DSTYK: variants seen among roughly 807,000 people sequenced by gnomAD.
The protein encoded by DSTYK is dual serine/threonine and tyrosine protein kinase.
Under a neutral mutation model 98.7 loss-of-function variants are expected in DSTYK, and 34 were observed. The ratio of observed to expected loss-of-function variants is 0.34; its 90% CI spans 0.26 to 0.46. The LOEUF (loss-of-function observed/expected upper bound fraction) is 0.46, where lower values mean the gene tolerates loss of function less well. DSTYK is among the 20% of genes least tolerant of loss of function. DSTYK has a pLI of 1.00. For missense variants in DSTYK, 962 were observed against 1,181.7 expected (o/e 0.81, Z 2.73); for synonymous variants, 462 against 457.3 (o/e 1.01, Z -0.13).
In DSTYK at chr1:205,150,669, T is replaced by A; in HGVS notation, c.2467+11A>T. 6.2e-7 allele frequency: 1 copy of A among 1,608,744 alleles called. No individual in the cohort carries two copies. The highest frequency in any genetic ancestry group is 8.5e-7 in the Non-Finnish European group (1 of 1,175,854). Reference sequence around the variant, plus strand: ...CCCTGCCCAGACCCACTGCCTGCCCTCCAGCCTTACCTGTGAAAAGTTCAG... The same window carrying A: ...CCCTGCCCAGACCCACTGCCTGCCCACCAGCCTTACCTGTGAAAAGTTCAG... On this transcript the variant is annotated intron_variant, in intron 11 of 12. Transcript: ENST00000367162. This position sits in a 1 kb window ranked among gnomAD's most constrained non-coding sequence, Gnocchi z 4.1.
At chr1:205,191,435 A>G (rs1008238202) in intron 1 of DSTYK, among the ~76,000 whole-genome samples, 1 of 152,216 alleles carries the variant, frequency 6.6e-6, no homozygotes, top group African/African-American at 2.4e-5. Context: ...CACTCTGACT[A>G]GCTCTGTGAC....
chr1:205,184,827 C>T (rs1200836304), intron 2 of DSTYK, among the ~76,000 whole-genome samples: 1 of 152,134 alleles, frequency 6.6e-6, no homozygotes, highest in Non-Finnish European at 1.5e-5. Context: ...TCAAGCTATC[C>T]TCCTCCCTCA....
chr1:205,178,828 C>T (rs563762848), intron 2 of DSTYK, among the ~76,000 whole-genome samples: 2 of 152,134 alleles, frequency 1.3e-5, no homozygotes, highest in Admixed American at 6.6e-5. Context: ...TAGCCTCATA[C>T]CAATTCTAAA....
At chr1:205,152,942 G>A (rs1238446404) in intron 10 of DSTYK, among the ~76,000 whole-genome samples, 1 of 152,136 alleles carries the variant, frequency 6.6e-6, no homozygotes, top group East Asian at 1.9e-4. Context: ...TACATATGAA[G>A]ATCCTAAAAA....
chr1:205,197,805 C>A (rs1658910126), intron 1 of DSTYK, among the ~76,000 whole-genome samples: 1 of 152,154 alleles, frequency 6.6e-6, no homozygotes, highest in South Asian at 2.1e-4. Context: ...GACTTAGAAT[C>A]CAAATCCACA....
At chr1:205,190,893 A>G (rs1339790558) in intron 1 of DSTYK, among the ~76,000 whole-genome samples, 1 of 152,234 alleles carries the variant, frequency 6.6e-6, no homozygotes, top group East Asian at 1.9e-4. Flanking sequence ...TGCTACTACC[A>G]GGAGAGTGGA....
At chr1:205,163,992 G>C in intron 3 of DSTYK, 37 bp from the exon 4 acceptor site, 1 of 1,562,526 alleles carries the variant, frequency 6.4e-7, no homozygotes, top group South Asian at 1.1e-5. Flanking sequence ...TAGTTGTGAG[G>C]AAGAAGGGGC....
chr1:205,149,584 G>T (rs1338328936), intron 11 of DSTYK, among the ~76,000 whole-genome samples: 1 of 152,062 alleles, frequency 6.6e-6, no homozygotes, highest in Admixed American at 6.6e-5. Context: ...ACGTTTGTTT[G>T]TTTTAGCACT....
At chr1:205,184,291 G>C (rs1658503409) in intron 2 of DSTYK, among the ~76,000 whole-genome samples, 1 of 151,952 alleles carries the variant, frequency 6.6e-6, no homozygotes, top group African/African-American at 2.4e-5. Flanking sequence ...AAAAATTTAG[G>C]GCCAGGCATA....
chr1:205,151,693 CT>C (rs34595009), intron 10 of DSTYK, among the ~76,000 whole-genome samples: 310 of 46,870 alleles, frequency 6.6e-3, no homozygotes, highest in Admixed American at 6.8e-3. Flanking sequence ...TATAGGCTTT[CT>C]TTTTTTTTTT....
intron 2 of DSTYK, among the ~76,000 whole-genome samples, chr1:205,176,823 A>T (rs1017819347): frequency 8.5e-5 from 13 of 152,174 alleles, no homozygotes; most frequent in African/African-American, 3.1e-4. Flanking sequence ...ACTGACTCTT[A>T]TAGGTGAAGA....
In DSTYK at chr1:205,185,644, T is replaced by C. The variant is rs565221400; in HGVS notation, c.654+1774A>G. On this transcript the variant is annotated intron_variant, in intron 2 of 12. Coordinates refer to ENST00000367162, the MANE Select transcript of DSTYK (RefSeq NM_015375.3). ...TATGTATTGCAGAAAGCAAAAGTAA[T>C]ATTTCATGAAACTTATATTTCAAAT... 1.4e-4 allele frequency among the ~76,000 whole-genome samples: 21 copies of C among 152,360 alleles called. No individual in the cohort carries two copies. In the South Asian group the frequency reaches 3.9e-3, roughly 29 times the overall value.
intron 2 of DSTYK, among the ~76,000 whole-genome samples, chr1:205,176,684 C>A (rs935336099): frequency 7.2e-5 from 11 of 151,754 alleles, no homozygotes; most frequent in Admixed American, 4.6e-4. Context: ...CTCAAGCGAT[C>A]CTCCTGCCTC....
At chr1:205,201,777 A>C (rs1262557054) in intron 1 of DSTYK, among the ~76,000 whole-genome samples, 1 of 152,090 alleles carries the variant, frequency 6.6e-6, no homozygotes, top group Admixed American at 6.6e-5. Flanking sequence ...ACAAAAGAAA[A>C]GGCTGGGCGC....
chr1:205,211,447 C>T lies in DSTYK; in HGVS notation c.89G>A (p.Gly30Asp). 2 of 1,601,136 alleles carry T rather than the reference C, an allele frequency of 1.2e-6. No homozygotes were observed. The highest frequency in any genetic ancestry group is 1.7e-6 in the Non-Finnish European group (2 of 1,176,750). ...CAGGTAGCGGCGGTAGCGGCCGAAG[C>T]CCCGGCACAGCTCGCGGATCATTCC... ...GGGMIRELCR[G>D]FGRYRRYLGR... The change falls in exon 1 of 13, where the codon GGC (glycine) becomes GAC (aspartate). Residue 30 changes from glycine to aspartate, a missense_variant. This residue lies in a region of DSTYK where 168 missense variants were observed against 120.0 expected (regional missense o/e 1.40). Transcript: ENST00000367162.
In DSTYK at chr1:205,187,465, G is replaced by A. The variant is rs763613192; in HGVS notation, c.607C>T (p.His203Tyr). 6.2e-7 allele frequency: 1 copy of A among 1,614,130 alleles called. No individual in the cohort carries two copies. The highest frequency in any genetic ancestry group is 1.1e-5 in the South Asian group (1 of 91,074). Residue 203 changes from histidine to tyrosine, a missense_variant, in exon 2 of 13, where the codon CAT (histidine) becomes TAT (tyrosine). Transcript: ENST00000367162. ...GTTACCTCCAGTTCCGCTAAAACAT[G>A]AGCAGCATCCTCATTGTTCTCTTGG... ...EVQENNEDAA[H>Y]VLAELEVTMH...
chr1:205,211,372 A>C lies in DSTYK; in HGVS notation c.164T>G (p.Ile55Ser), dbSNP rs778722938. 1.2e-6 allele frequency: 2 copies of C among 1,612,602 alleles called. No homozygotes were observed. Among genetic ancestry groups the C allele is most frequent in the South Asian group, 2.2e-5 (2 of 90,868 alleles). ...ACAAGTGTGGTTGTGGGAGCACTTG[A>C]TGTCGCGGAAGAACTTCTGGGTCTC... ...LRETQKFFRD[I>S]KCSHNHTCLS... The change falls in exon 1 of 13, where the codon ATC (isoleucine) becomes AGC (serine). Residue 55 changes from isoleucine to serine, a missense_variant. This residue lies in a region of DSTYK where 168 missense variants were observed against 120.0 expected (regional missense o/e 1.40). Coordinates refer to ENST00000367162, the MANE Select transcript of DSTYK (RefSeq NM_015375.3).
At chr1:205,177,471 G>A (rs1323768277) in intron 2 of DSTYK, among the ~76,000 whole-genome samples, 4 of 152,124 alleles carry the variant, frequency 2.6e-5, no homozygotes, top group Admixed American at 2.6e-4. Flanking sequence ...TTCACACAGG[G>A]CTGATTCTTT....
Position 205,187,570 on chromosome 1 carries a change from G to A in DSTYK, c.502C>T (p.Pro168Ser), listed in dbSNP as rs1249876537. The A allele has an allele frequency of 6.2e-6, 10 of 1,614,016 alleles. No individual in the cohort carries two copies. Among genetic ancestry groups the A allele is most frequent in the Non-Finnish European group, 7.6e-6 (9 of 1,180,036 alleles). The change falls in exon 2 of 13, where the codon CCT becomes TCT. Residue 168 changes from proline to serine, a missense_variant. Around this residue, in one of 4 missense-constraint regions of DSTYK, gnomAD observed 660 missense variants for 855.0 expected, o/e 0.77. Coordinates refer to ENST00000367162, the MANE Select transcript of DSTYK (RefSeq NM_015375.3). ...GTQTRVSLALPGQYELVHTLV... is the reference protein window; with the variant it reads ...GTQTRVSLALSGQYELVHTLV... ...GTGTGCACTAGTTCATACTGTCCAG[G>A]GAGCGCCAGGCTGACCCGAGTCTGA...
Sources: allele counts gnomAD v4.1 joint callset (sites outside exome capture counted in the v4.1 genomes callset), GRCh38; gene constraint gnomAD v4.1.1; regional missense constraint gnomAD v4.1.1; non-coding constraint Gnocchi (gnomAD v3.1); transcripts MANE v1.5; gene names NCBI Gene and HGNC (gene_info 2026-07-23, HGNC 2026-07-21).